SIPA1L3: variants seen among roughly 807,000 people sequenced by gnomAD.
SIPA1L3 encodes the protein signal-induced proliferation-associated 1-like protein 3.
SIPA1L3 carries 59 observed loss-of-function variants against 150.1 expected under a neutral mutation model. That is an observed-to-expected ratio of 0.39 (90% CI 0.32 to 0.49). The LOEUF (loss-of-function observed/expected upper bound fraction) is 0.49. Ranked by LOEUF, SIPA1L3 falls within the 20% of genes least tolerant of loss-of-function variation. The pLI, the probability that SIPA1L3 is intolerant of heterozygous loss-of-function variation, is 0.86. For synonymous variants in SIPA1L3, 1,070 were observed against 1,077.6 expected (o/e 0.99, Z 0.14); for missense variants, 2,211 against 2,489.5 (o/e 0.89, Z 2.38).
chr19:38,114,424 CAAAAAAAAAAAA>C (rs5828003), intron 8 of SIPA1L3, among the ~76,000 whole-genome samples: 1 of 100,284 alleles, frequency 1.0e-5, no homozygotes, highest in Non-Finnish European at 2.0e-5. Context: ...ACTCTTGTCT[CAAAAAAAAAAAA>C]AAAAAAAAAT....
chr19:38,168,168 C>G (rs1167495203), intron 15 of SIPA1L3, among the ~76,000 whole-genome samples: 5 of 152,120 alleles, frequency 3.3e-5, no homozygotes, highest in Non-Finnish European at 7.3e-5. Context: ...GGGCGGATCA[C>G]CTGAGGTCAG....
intron 1 of SIPA1L3, among the ~76,000 whole-genome samples, chr19:37,962,077 T>C (rs1474033406): frequency 6.6e-6 from 1 of 152,188 alleles, no homozygotes; most frequent in Non-Finnish European, 1.5e-5. Context: ...GCAATTTCTA[T>C]TAACTGATTC....
intron 1 of SIPA1L3, among the ~76,000 whole-genome samples, chr19:37,934,894 G>A (rs1476948868): frequency 3.3e-5 from 5 of 152,158 alleles, no homozygotes; most frequent in Admixed American, 6.5e-5. Context: ...TAGTGGCTGC[G>A]TAACACACAG....
intron 7 of SIPA1L3, chr19:38,109,656 C>G (rs1348375294): frequency 6.5e-6 from 1 of 153,326 alleles, no homozygotes; most frequent in East Asian, 1.9e-4. Flanking sequence ...CTCTCTGGAT[C>G]TTACTTATTG....
chr19:38,070,312 C>T (rs573934692), intron 2 of SIPA1L3, among the ~76,000 whole-genome samples: 6 of 152,168 alleles, frequency 3.9e-5, no homozygotes, highest in South Asian at 4.1e-4. Flanking sequence ...TGGGCTCAAG[C>T]GATCCTCCCA....
In SIPA1L3 at chr19:38,182,659, C is replaced by T. The variant is rs548838198; in HGVS notation, c.4349C>T (p.Pro1450Leu). ...CCCAAGTCCTTCTTCTCCAAGCAGC[C>T]TGTACGCAATAAGCACCCAACAGGG... The part of the protein sequence containing the change: ...SVPKSFFSKQ[P>L]VRNKHPTGWK... The change falls in exon 16 of 22, where the codon CCT (proline) becomes CTT (leucine). Residue 1450 changes from proline to leucine, a missense_variant. Around this residue, in one of 5 missense-constraint regions of SIPA1L3, gnomAD observed 806 missense variants for 870.1 expected, o/e 0.93. Coordinates refer to ENST00000222345, the MANE Select transcript of SIPA1L3 (RefSeq NM_015073.3). 15 of 1,614,222 alleles carry T rather than the reference C, an allele frequency of 9.3e-6. No individual in the cohort carries two copies. In the South Asian group the frequency reaches 1.3e-4, roughly 14 times the overall value.
intron 1 of SIPA1L3, among the ~76,000 whole-genome samples, chr19:37,955,391 CAAA>C (rs35650003): frequency 2.5e-5 from 3 of 120,528 alleles, no homozygotes; most frequent in Non-Finnish European, 1.9e-5. Flanking sequence ...AACTCTGTCT[CAAA>C]AAAAAAAAAA....
At chr19:38,121,462 C>T (rs1971015910) in intron 9 of SIPA1L3, among the ~76,000 whole-genome samples, 1 of 148,858 alleles carries the variant, frequency 6.7e-6, no homozygotes, top group Admixed American at 6.7e-5. Context: ...AAAAATAGGC[C>T]GGGCGTGGTG....
intron 1 of SIPA1L3, among the ~76,000 whole-genome samples, chr19:37,974,265 A>T (rs1222586100): frequency 6.6e-6 from 1 of 152,134 alleles, no homozygotes; most frequent in African/African-American, 2.4e-5. Flanking sequence ...TTGCACCTGT[A>T]ATCCCAACAC....
At chr19:38,087,389 T>G (rs1465566066) in intron 3 of SIPA1L3, among the ~76,000 whole-genome samples, 1 of 152,212 alleles carries the variant, frequency 6.6e-6, no homozygotes, top group Admixed American at 6.5e-5. Flanking sequence ...ATCGGGGTCA[T>G]TAATTACCAC....
At chr19:37,961,653 T>C (rs890793570) in intron 1 of SIPA1L3, among the ~76,000 whole-genome samples, 1 of 152,234 alleles carries the variant, frequency 6.6e-6, no homozygotes, top group Non-Finnish European at 1.5e-5. Flanking sequence ...TGTAAACTAA[T>C]GTGTTCCATC....
At chr19:38,024,360 A>G (rs936395032) in intron 1 of SIPA1L3, among the ~76,000 whole-genome samples, 2 of 152,166 alleles carry the variant, frequency 1.3e-5, no homozygotes, top group African/African-American at 2.4e-5. Flanking sequence ...CTTTTGACAG[A>G]CACTTCCTTG....
At chr19:38,120,138 T>A (rs1970983485) in intron 9 of SIPA1L3, among the ~76,000 whole-genome samples, 1 of 152,066 alleles carries the variant, frequency 6.6e-6, no homozygotes, top group Non-Finnish European at 1.5e-5. Flanking sequence ...CCTTGGACAC[T>A]GATAGAAAGT....
rs1399740637 is a variant in SIPA1L3, at chr19:37,927,656, T to G, written c.-379+20298T>G. 0.016 allele frequency among the ~76,000 whole-genome samples: 138 copies of G among 8,898 alleles called. No homozygotes were observed. In the East Asian group the frequency reaches 0.21, roughly 13 times the overall value. The allele number at this position is 8,898 out of a possible 152,430, so 5.8% of individuals were successfully genotyped here. A position where few individuals can be genotyped will look rare whatever the true frequency, so the allele number is the denominator to read the frequency against. ...TCCCACTTAGAATAAGAACATGGGG[T>G]GTGTGTGTGTGTGTGTGTGTGTGTG... On this transcript the variant is annotated intron_variant, in intron 1 of 21. Coordinates refer to ENST00000222345, the MANE Select transcript of SIPA1L3 (RefSeq NM_015073.3).
At chr19:38,156,083 A>T (rs1568580955) in intron 13 of SIPA1L3, among the ~76,000 whole-genome samples, 4 of 152,048 alleles carry the variant, frequency 2.6e-5, no homozygotes, top group Non-Finnish European at 1.5e-5. Flanking sequence ...CTCTGTCTCA[A>T]AAAAAACAAA....
intron 1 of SIPA1L3, among the ~76,000 whole-genome samples, chr19:37,931,487 C>A (rs574958226): frequency 6.6e-6 from 1 of 152,198 alleles, no homozygotes; most frequent in Non-Finnish European, 1.5e-5. Context: ...TGGCTCATGC[C>A]TGTAATCCCA....
intron 3 of SIPA1L3, among the ~76,000 whole-genome samples, chr19:38,086,750 C>G (rs889380849): frequency 6.6e-6 from 1 of 152,168 alleles, no homozygotes; most frequent in Non-Finnish European, 1.5e-5. Context: ...ACCATCACAG[C>G]AGGCATAGGG....
intron 2 of SIPA1L3, among the ~76,000 whole-genome samples, chr19:38,039,464 C>A (rs1968863040): frequency 6.6e-6 from 1 of 151,670 alleles, no homozygotes. Context: ...GAGGCTGAGG[C>A]GGGTGAATCA....
At chr19:37,925,590 CTTTTT>C (rs761234489) in intron 1 of SIPA1L3, among the ~76,000 whole-genome samples, 2 of 110,790 alleles carry the variant, frequency 1.8e-5, no homozygotes, top group African/African-American at 3.2e-5. Context: ...TGATTTATTA[CTTTTT>C]TTTTTTTTTT....
Sources: gnomAD v4.1 joint callset for allele counts (sites outside exome capture counted in the v4.1 genomes callset) on GRCh38, gnomAD v4.1.1 for gene constraint, gnomAD v4.1.1 regional missense constraint, MANE v1.5 for transcripts, NCBI Gene and HGNC (gene_info 2026-07-23, HGNC 2026-07-21) for gene names.